Variants in HIRA observed in about 807,000 individuals in gnomAD.
HIRA encodes histone cell cycle regulator, also known as protein HIRA.
A neutral mutation model predicts 126.6 loss-of-function variants in HIRA; 13 were observed. The ratio of observed to expected loss-of-function variants is 0.10; its 90% CI spans 0.07 to 0.16. HIRA has a LOEUF of 0.16. Among genes scored for constraint, HIRA ranks in the 10% least tolerant of loss-of-function variants. The probability of loss-of-function intolerance (pLI) is 1.00; values close to 1 mark genes in which losing one functional copy is unlikely to be tolerated. For synonymous variants in HIRA, 511 were observed against 520.0 expected (o/e 0.98, Z 0.24); for missense variants, 834 against 1,314.4 (o/e 0.63, Z 5.65).
chr22:19,431,690 C>T lies in HIRA; in HGVS notation c.-214G>A. 1.0e-5 allele frequency: 4 copies of T among 389,328 alleles called. No individual in the cohort carries two copies. The highest frequency in any genetic ancestry group is 1.2e-5 in the Non-Finnish European group (3 of 241,226). The allele number at this position is 389,328 out of a possible 1,614,324, so 24.1% of individuals were successfully genotyped here. ...TCGGCCGCCGCCGCCGCCACCACAGCCGCATCCCCTGCGCCGCTCCTCCTC... is the reference window on the plus strand; with the variant it reads ...TCGGCCGCCGCCGCCGCCACCACAGTCGCATCCCCTGCGCCGCTCCTCCTC... On this transcript the variant is annotated 5_prime_UTR_variant, in exon 1 of 25. Coordinates refer to ENST00000263208, the MANE Select transcript of HIRA (RefSeq NM_003325.4).
chr22:19,396,359 T>G (rs550774450), intron 7 of HIRA, among the ~76,000 whole-genome samples: 4 of 152,118 alleles, frequency 2.6e-5, no homozygotes, highest in African/African-American at 9.6e-5. Context: ...CTGTTAAAAA[T>G]ACAAAAATTA....
rs147552010 is a variant in HIRA, at chr22:19,410,506, G to A, written c.100+210C>T. 4.3e-3 allele frequency among the ~76,000 whole-genome samples: 655 copies of A among 152,236 alleles called. 2 individuals carry two copies. The highest frequency in any genetic ancestry group is 7.3e-3 in the Non-Finnish European group (497 of 68,018). On this transcript the variant is annotated intron_variant, in intron 2 of 24. Transcript: ENST00000263208. ...AAACAGAAATTAGAATGATACATCCGCTGCCAAAATACTTACAGAGAGCAC... is the reference window on the plus strand; with the variant it reads ...AAACAGAAATTAGAATGATACATCCACTGCCAAAATACTTACAGAGAGCAC...
chr22:19,405,605 T>A (rs2089301687), intron 5 of HIRA, 181 bp downstream of exon 5: 2 of 717,078 alleles, frequency 2.8e-6, no homozygotes, highest in Non-Finnish European at 3.4e-6. Flanking sequence ...AGACAGGTAG[T>A]GGACCCGGTG....
intron 24 of HIRA, among the ~76,000 whole-genome samples, chr22:19,348,051 C>A (rs1487070393): frequency 1.6e-4 from 24 of 152,324 alleles, no homozygotes; most frequent in African/African-American, 4.6e-4. Flanking sequence ...AGGTACGCAA[C>A]CTAGAATAAG....
chr22:19,413,605 A>ATTTATTTATTTATTTG, intron 1 of HIRA, among the ~76,000 whole-genome samples: 1 of 149,710 alleles, frequency 6.7e-6, no homozygotes, highest in Admixed American at 6.7e-5. Flanking sequence ...CTATTTATTT[A>ATTTATTTATTTATTTG]TTTATTTATT....
intron 24 of HIRA, among the ~76,000 whole-genome samples, chr22:19,332,623 TA>T (rs1179038893): frequency 5.5e-4 from 77 of 138,990 alleles, no homozygotes; most frequent in African/African-American, 6.6e-4. Flanking sequence ...AAGAGAATGG[TA>T]AAAAAAAAAA....
chr22:19,345,661 A>G (rs1461385442), intron 24 of HIRA, among the ~76,000 whole-genome samples: 1 of 152,236 alleles, frequency 6.6e-6, no homozygotes, highest in Admixed American at 6.5e-5. Flanking sequence ...AGTTCACAAT[A>G]GGGTTTGTGC....
intron 10 of HIRA, 51 bp downstream of exon 10, chr22:19,388,433 T>C (rs762938109): frequency 8.9e-5 from 128 of 1,434,640 alleles, no homozygotes; most frequent in Non-Finnish European, 1.2e-4. Context: ...CATGTTCCAA[T>C]GTGTGGCTTC....
chr22:19,354,792 G>C (rs1486514964), intron 21 of HIRA, among the ~76,000 whole-genome samples: 7 of 151,878 alleles, frequency 4.6e-5, no homozygotes, highest in African/African-American at 1.7e-4. Flanking sequence ...CTTTGAGACA[G>C]GGTCTTACTC....
intron 15 of HIRA, among the ~76,000 whole-genome samples, chr22:19,373,102 A>T (rs1242577107): frequency 1.3e-5 from 2 of 152,214 alleles, no homozygotes; most frequent in Non-Finnish European, 2.9e-5. Context: ...GCCTAATCCA[A>T]GGTCACATAG....
chr22:19,347,842 G>A (rs1556009370), intron 24 of HIRA, among the ~76,000 whole-genome samples: 1 of 152,224 alleles, frequency 6.6e-6, no homozygotes, highest in Non-Finnish European at 1.5e-5. Flanking sequence ...GGGAGGCTGA[G>A]GCAGGAGAAT....
chr22:19,351,152 C>T lies in HIRA; in HGVS notation c.2937+206G>A, dbSNP rs953282553. ...AGCACAGGCACGTGGCGGAGCACTC[C>T]GTGGCTCCTGATGTCCAGGGCCCAG... is the stretch of plus-strand genomic sequence containing the variant. On this transcript the variant is annotated intron_variant, in intron 24 of 24. Transcript: ENST00000263208. This position sits in a 1 kb window ranked among gnomAD's most constrained non-coding sequence, Gnocchi z 4.8. 12 of 985,228 alleles carry T rather than the reference C, an allele frequency of 1.2e-5. No individual in the cohort carries two copies. The highest frequency in any genetic ancestry group is 1.7e-5 in the African/African-American group (1 of 57,230). 61.0% of individuals were successfully genotyped at this position (985,228 alleles called of 1,614,324 possible).
At chr22:19,338,228 T>C (rs1174214834) in intron 24 of HIRA, among the ~76,000 whole-genome samples, 1 of 152,106 alleles carries the variant, frequency 6.6e-6, no homozygotes, top group Non-Finnish European at 1.5e-5. Context: ...TTAAGTGTCA[T>C]ATATGAAGGA....
chr22:19,359,902 G>A (rs906177579), intron 17 of HIRA, among the ~76,000 whole-genome samples: 2 of 152,244 alleles, frequency 1.3e-5, no homozygotes, highest in African/African-American at 2.4e-5. Context: ...AGATGGCAGT[G>A]TTTGGCAAGA....
chr22:19,375,381 G>A (rs192350212), intron 15 of HIRA, among the ~76,000 whole-genome samples: 20 of 152,288 alleles, frequency 1.3e-4, no homozygotes, highest in Middle Eastern at 6.8e-3. Context: ...CAATCCTTGT[G>A]CCTTTGACCT....
chr22:19,347,691 C>T (rs141661511), intron 24 of HIRA, among the ~76,000 whole-genome samples: 1 of 152,206 alleles, frequency 6.6e-6, no homozygotes, highest in Non-Finnish European at 1.5e-5. Context: ...ATAATCCCAG[C>T]ACTTCGGGAG....
At chr22:19,343,054 C>G (rs1465982287) in intron 24 of HIRA, among the ~76,000 whole-genome samples, 1 of 151,998 alleles carries the variant, frequency 6.6e-6, no homozygotes, top group Non-Finnish European at 1.5e-5. Context: ...TATGAGGATG[C>G]AAAGGTATAA....
chr22:19,418,320 T>C (rs1215533485), intron 1 of HIRA, among the ~76,000 whole-genome samples: 3 of 146,548 alleles, frequency 2.0e-5, no homozygotes, highest in Non-Finnish European at 4.5e-5. Context: ...AGGAGGGAGG[T>C]GGGTGTAATT....
rs1556011792 is a variant in HIRA, at chr22:19,354,124, G to A, written c.2562-6C>T. 1.9e-6 allele frequency: 3 copies of A among 1,612,314 alleles called. No individual in the cohort carries two copies. The highest frequency in any genetic ancestry group is 2.5e-6 in the Non-Finnish European group (3 of 1,179,182). On this transcript the variant is annotated splice_polypyrimidine_tract_variant and splice_region_variant and intron_variant, in intron 21 of 24. Transcript: ENST00000263208. ...GCTTGTCAGAAACCAGGTTCCTGGG[G>A]AGGCAAAGGCAGGAGCAGAGCTCAG...
Sources: allele counts gnomAD v4.1 joint callset (sites outside exome capture counted in the v4.1 genomes callset), GRCh38; gene constraint gnomAD v4.1.1; non-coding constraint Gnocchi (gnomAD v3.1); transcripts MANE v1.5; gene names NCBI Gene and HGNC (gene_info 2026-07-23, HGNC 2026-07-21).